Variants in VTN observed in about 807,000 individuals in gnomAD.
VTN encodes vitronectin.
Under a neutral mutation model 55.9 loss-of-function variants are expected in VTN, and 45 were observed. The ratio of observed to expected loss-of-function variants is 0.80; its 90% CI spans 0.63 to 1.03. The LOEUF (loss-of-function observed/expected upper bound fraction) is 1.03, where lower values mean the gene tolerates loss of function less well. Among genes scored for constraint, VTN ranks in the 50% least tolerant of loss-of-function variants. VTN has a pLI of 0.00. For synonymous variants in VTN, 238 were observed against 242.3 expected (o/e 0.98, Z 0.17); for missense variants, 589 against 638.2 (o/e 0.92, Z 0.83).
Position 28,369,811 on chromosome 17 carries a change from G to A in VTN, c.225C>T (p.Tyr75=). Residue 75 remains tyrosine, a synonymous_variant, in exon 3 of 8, where the codon TAC becomes TAT. Transcript: ENST00000226218. This position sits in a 1 kb window ranked among gnomAD's most constrained non-coding sequence, Gnocchi z 5.3. ...GDVFTMPEDE[Y]TVYDDGEEKN... is the part of the protein sequence containing the mutation. ...TCTCCTCGCCATCGTCATAGACCGT[G>A]TACTCATCCTCCGGCATAGTGAACA... 1 of 1,613,820 alleles carries A rather than the reference G, an allele frequency of 6.2e-7. No individual in the cohort carries two copies. The highest frequency in any genetic ancestry group is 8.5e-7 in the Non-Finnish European group (1 of 1,179,804).
chr17:28,369,836 A>ACATCCCCG lies in VTN; in HGVS notation c.192_199dup (p.Val67AlafsTer35). On this transcript the variant is annotated frameshift_variant, in exon 3 of 8. Transcript: ENST00000226218. LOFTEE classifies it high-confidence loss of function. This position sits in a 1 kb window ranked among gnomAD's most constrained non-coding sequence, Gnocchi z 5.3. ...GTACTCATCCTCCGGCATAGTGAAC[A>ACATCCCCG]CATCCCCGCGAGTCACTGCAGAGAG... 1 of 1,612,784 alleles carries ACATCCCCG rather than the reference A, an allele frequency of 6.2e-7. No homozygotes were observed. Among genetic ancestry groups the ACATCCCCG allele is most frequent in the Non-Finnish European group, 8.5e-7 (1 of 1,178,966 alleles).
In VTN at chr17:28,368,645, C is replaced by G; in HGVS notation, c.855G>C (p.Gln285His). 1 of 1,613,878 alleles carries G rather than the reference C, an allele frequency of 6.2e-7. No individual in the cohort carries two copies. The highest frequency in any genetic ancestry group is 8.5e-7 in the Non-Finnish European group (1 of 1,180,022). The change falls in exon 6 of 8, where the codon CAG becomes CAC. Residue 285 changes from glutamine (Q) to histidine (H), a missense_variant. By Grantham distance (24) the Gln-to-His change is conservative. This residue lies in a region of VTN where 334 missense variants were observed against 328.2 expected (regional missense o/e 1.02). Transcript: ENST00000226218. ...CACACTCCTCCTGACTGGGCTGGTGCTGGAACTGGTACTCCCAGTACTGTT... is the reference window on the plus strand; with the variant it reads ...CACACTCCTCCTGACTGGGCTGGTGGTGGAACTGGTACTCCCAGTACTGTT... Reference protein sequence around the residue: ...KGKQYWEYQFQHQPSQEECEG... With the variant: ...KGKQYWEYQFHHQPSQEECEG...
Position 28,367,789 on chromosome 17 carries a change from T to C in VTN, c.1250A>G (p.Tyr417Cys). The change falls in exon 7 of 8, where the codon TAT becomes TGT. Residue 417 changes from tyrosine to cysteine, a missense_variant. Physicochemically the swap from Tyr to Cys is radical, Grantham distance 194. This residue lies in a region of VTN where 334 missense variants were observed against 328.2 expected (regional missense o/e 1.02). Coordinates refer to ENST00000226218, the MANE Select transcript of VTN (RefSeq NM_000638.4). Reference sequence around the variant, plus strand: ...AAGCCAGTCCATCCTGTAGTCATCATAGTTGTTGGCTCCCAAGTTGCTCTC... The same window carrying C: ...AAGCCAGTCCATCCTGTAGTCATCACAGTTGTTGGCTCCCAAGTTGCTCTC... ...SEESNLGANNYDDYRMDWLVP... is the reference protein window; with the variant it reads ...SEESNLGANNCDDYRMDWLVP... 1 of 1,614,172 alleles carries C rather than the reference T, an allele frequency of 6.2e-7. No homozygotes were observed. Among genetic ancestry groups the C allele is most frequent in the East Asian group, 2.2e-5 (1 of 44,882 alleles).
chr17:28,367,973 T>A lies in VTN; in HGVS notation c.1066A>T (p.Ile356Phe). ...GAGGGGCGGGGTGCCATGCCTGAGA[T>A]GTAGATGCGGCCAGCCATGGCTGCG... ...VDAAMAGRIY[I>F]SGMAPRPSLA... The change falls in exon 7 of 8, where the codon ATC (isoleucine) becomes TTC (phenylalanine). Residue 356 changes from isoleucine to phenylalanine, a missense_variant. By Grantham distance (21) the Ile-to-Phe change is conservative (BLOSUM62 0). This residue lies in a region of VTN where 334 missense variants were observed against 328.2 expected (regional missense o/e 1.02). Coordinates refer to ENST00000226218, the MANE Select transcript of VTN (RefSeq NM_000638.4). The A allele has an allele frequency of 6.3e-7, 1 of 1,597,600 alleles. No homozygotes were observed. The highest frequency in any genetic ancestry group is 8.5e-7 in the Non-Finnish European group (1 of 1,172,226).
rs782425893 is a variant in VTN, at chr17:28,368,638, G to A, written c.862C>T (p.Pro288Ser). 6.2e-7 allele frequency: 1 copy of A among 1,613,892 alleles called. No homozygotes were observed. The highest frequency in any genetic ancestry group is 1.1e-5 in the South Asian group (1 of 91,066). ...CTGCCTTCACACTCCTCCTGACTGG[G>A]CTGGTGCTGGAACTGGTACTCCCAG... ...QYWEYQFQHQPSQEECEGSSL... is the reference protein window; with the variant it reads ...QYWEYQFQHQSSQEECEGSSL... The change falls in exon 6 of 8, where the codon CCC becomes TCC. Residue 288 changes from proline to serine, a missense_variant. Pro to Ser is a moderately conservative substitution (Grantham distance 74). Transcript: ENST00000226218.
chr17:28,369,395 A>G lies in VTN; in HGVS notation c.563T>C (p.Val188Ala). Reference sequence around the variant, plus strand: ...GATGAGCTTGGGGTACCCAGGCCTCACTGCCTTTTCGTCCAGTTCATAGCA... The same window carrying G: ...GATGAGCTTGGGGTACCCAGGCCTCGCTGCCTTTTCGTCCAGTTCATAGCA... ...QYCYELDEKA[V>A]RPGYPKLIRD... The change falls in exon 4 of 8, where the codon GTG becomes GCG. Residue 188 changes from valine to alanine, a missense_variant. Transcript: ENST00000226218. This position sits in a 1 kb window ranked among gnomAD's most constrained non-coding sequence, Gnocchi z 5.3. The G allele has an allele frequency of 6.2e-7, 1 of 1,603,290 alleles. No individual in the cohort carries two copies. The highest frequency in any genetic ancestry group is 8.5e-7 in the Non-Finnish European group (1 of 1,172,002).
Position 28,369,795 on chromosome 17 carries a change from C to T in VTN, c.241G>A (p.Gly81Ser). 1 of 1,614,068 alleles carries T rather than the reference C, an allele frequency of 6.2e-7. No homozygotes were observed. Among genetic ancestry groups the T allele is most frequent in the Non-Finnish European group, 8.5e-7 (1 of 1,180,018 alleles). The change falls in exon 3 of 8, where the codon GGC becomes AGC. Residue 81 changes from glycine (G) to serine (S), a missense_variant. Coordinates refer to ENST00000226218, the MANE Select transcript of VTN (RefSeq NM_000638.4). The surrounding 1 kb of genome is among the most constrained non-coding windows in gnomAD (Gnocchi z 5.3). The stretch of plus-strand genomic sequence containing the variant: ...ACAGTGGCATTGTTTTTCTCCTCGC[C>T]ATCGTCATAGACCGTGTACTCATCC... ...PEDEYTVYDD[G>S]EEKNNATVHE...
In VTN at chr17:28,369,250, C is replaced by G; in HGVS notation, c.669+39G>C. ...CTGGGAGCAATAGCTCTCAAACCCT[C>G]CCTAGATGCTTTCTACCCTGGCCCA... On this transcript the variant is annotated intron_variant, in intron 4 of 7. Coordinates refer to ENST00000226218, the MANE Select transcript of VTN (RefSeq NM_000638.4). This position sits in a 1 kb window ranked among gnomAD's most constrained non-coding sequence, Gnocchi z 5.3. 1 of 1,547,964 alleles carries G rather than the reference C, an allele frequency of 6.5e-7. No homozygotes were observed. The highest frequency in any genetic ancestry group is 8.7e-7 in the Non-Finnish European group (1 of 1,144,204).
In VTN at chr17:28,367,426, G is replaced by A. The variant is rs199500726; in HGVS notation, c.1380C>T (p.Pro460=). 1 of 1,613,168 alleles carries A rather than the reference G, an allele frequency of 6.2e-7. No homozygotes were observed. The highest frequency in any genetic ancestry group is 8.5e-7 in the Non-Finnish European group (1 of 1,179,744). Residue 460 remains proline, a synonymous_variant, in exon 8 of 8, where the codon CCC becomes CCT. Coordinates refer to ENST00000226218, the MANE Select transcript of VTN (RefSeq NM_000638.4). ...AGTACTGAGCGATGGAGCGTGGGTA[G>A]GGAGGGTCCACAGTGTCCACTCGCC... ...RTRRVDTVDP[P]YPRSIAQYWL...
rs781948713 is a variant in VTN at position 28,368,044 on chromosome 17, G to A, written c.995C>T (p.Pro332Leu). The change falls in exon 7 of 8, where the codon CCC becomes CTC. Residue 332 changes from proline to leucine, a missense_variant. Around this residue, in one of 3 missense-constraint regions of VTN, gnomAD observed 334 missense variants for 328.2 expected, o/e 1.02. Coordinates refer to ENST00000226218, the MANE Select transcript of VTN (RefSeq NM_000638.4). ...GTGCCAGTCCCGGCTAATGAACTGGGGCTGTCTGGTACCAGCTGTGGCAGG... is the reference window on the plus strand; with the variant it reads ...GTGCCAGTCCCGGCTAATGAACTGGAGCTGTCTGGTACCAGCTGTGGCAGG... Reference protein sequence around the residue: ...WGRTSAGTRQPQFISRDWHGV... With the variant: ...WGRTSAGTRQLQFISRDWHGV... 6.3e-6 allele frequency: 10 copies of A among 1,582,700 alleles called. No homozygotes were observed. The highest frequency in any genetic ancestry group is 8.6e-6 in the Non-Finnish European group (10 of 1,164,052).
At chr17:28,368,714 G>A in intron 5 of VTN, 41 bp from the exon 6 acceptor site, 1 of 1,610,640 alleles carries the variant, frequency 6.2e-7, no homozygotes. Context: ...GCTGGGCCAG[G>A]GCAAGACTGG....
In VTN at chr17:28,368,906, G is replaced by A; in HGVS notation, c.792C>T (p.Ser264=). The change falls in exon 5 of 8, where the codon AGC becomes AGT. Residue 264 remains serine (S), a synonymous_variant. Transcript: ENST00000226218. The part of the protein sequence containing the change: ...VDAALALPAH[S]YSGRERVYFF... ...AGTAGACCCGCTCCCGGCCACTGTA[G>A]CTATGGGCAGGGAGGGCCAAGGCTG... The A allele has an allele frequency of 1.2e-6, 2 of 1,613,192 alleles. No individual in the cohort carries two copies. Among genetic ancestry groups the A allele is most frequent in the Non-Finnish European group, 1.7e-6 (2 of 1,179,734 alleles).
intron 6 of VTN, among the ~76,000 whole-genome samples, 196 bp from the exon 7 acceptor site, chr17:28,368,255 AC>A (rs1260139303): frequency 3.1e-5 from 2 of 64,700 alleles, no homozygotes; most frequent in South Asian, 5.9e-4. Context: ...TCTCGACCCC[AC>A]CCCCCCAGGC....
In VTN at chr17:28,369,028, C is replaced by G; in HGVS notation, c.670G>C (p.Gly224Arg). The G allele has an allele frequency of 6.3e-7, 1 of 1,579,042 alleles. No individual in the cohort carries two copies. The highest frequency in any genetic ancestry group is 8.6e-7 in the Non-Finnish European group (1 of 1,168,284). Residue 224 changes from glycine to arginine, a missense_variant and splice_region_variant, in exon 5 of 8, where the codon GGT (glycine) becomes CGT (arginine). This residue lies in a region of VTN where 38 missense variants were observed against 68.8 expected (regional missense o/e 0.55). Coordinates refer to ENST00000226218, the MANE Select transcript of VTN (RefSeq NM_000638.4). The surrounding 1 kb of genome is among the most constrained non-coding windows in gnomAD (Gnocchi z 5.3). ...NCQGKTYLFK[G>R]SQYWRFEDGV... Reference sequence around the variant, plus strand: ...TCCTCAAAGCGCCAGTACTGACTACCCTAAGAGGTGGGGAAAGTGAAAAGG... The same window carrying G: ...TCCTCAAAGCGCCAGTACTGACTACGCTAAGAGGTGGGGAAAGTGAAAAGG...
Position 28,370,125 on chromosome 17 carries a change from A to C in VTN, c.64+15T>G. On this transcript the variant is annotated intron_variant, in intron 1 of 7. Transcript: ENST00000226218. ...CCCTACATTGACCCAGATGGCCACC[A>C]ACACTCCCCTGTACCTTGGTCAGCC... The C allele has an allele frequency of 6.2e-7, 1 of 1,613,630 alleles. No homozygotes were observed. Among genetic ancestry groups the C allele is most frequent in the Non-Finnish European group, 8.5e-7 (1 of 1,179,668 alleles).
chr17:28,369,000 C>G lies in VTN; in HGVS notation c.698G>C (p.Gly233Ala), dbSNP rs782433409. 2.4e-5 allele frequency: 38 copies of G among 1,596,374 alleles called. No individual in the cohort carries two copies. The highest frequency in any genetic ancestry group is 3.1e-5 in the Non-Finnish European group (37 of 1,175,310). ...KGSQYWRFED[G>A]VLDPDYPRNI... The stretch of plus-strand genomic sequence containing the variant: ...TCGGGGGTAATCAGGGTCCAGGACA[C>G]CATCCTCAAAGCGCCAGTACTGACT... Residue 233 changes from glycine to alanine, a missense_variant, in exon 5 of 8, where the codon GGT (glycine) becomes GCT (alanine). Physicochemically the swap from Gly to Ala is moderately conservative, Grantham distance 60. Coordinates refer to ENST00000226218, the MANE Select transcript of VTN (RefSeq NM_000638.4).
Position 28,367,771 on chromosome 17 carries a change from T to C in VTN, c.1268A>G (p.Asp423Gly). ...TTCACAGGTGGCAGGCACAAGCCAG[T>C]CCATCCTGTAGTCATCATAGTTGTT... Reference protein sequence around the residue: ...GANNYDDYRMDWLVPATCEPI... With the variant: ...GANNYDDYRMGWLVPATCEPI... Residue 423 changes from aspartate (D) to glycine (G), a missense_variant, in exon 7 of 8, where the codon GAC (aspartate) becomes GGC (glycine). Asp to Gly is a moderately conservative substitution (Grantham distance 94). This residue lies in a region of VTN where 334 missense variants were observed against 328.2 expected (regional missense o/e 1.02). Transcript: ENST00000226218. 1 of 1,614,138 alleles carries C rather than the reference T, an allele frequency of 6.2e-7. No homozygotes were observed. The highest frequency in any genetic ancestry group is 1.1e-5 in the South Asian group (1 of 91,090).
rs148089887 is a variant in VTN, at chr17:28,367,820, T to C, written c.1219A>G (p.Ser407Gly). Residue 407 changes from serine (S) to glycine (G), a missense_variant, in exon 7 of 8, where the codon AGT becomes GGT. Physicochemically the swap from Ser to Gly is moderately conservative, Grantham distance 56. This residue lies in a region of VTN where 334 missense variants were observed against 328.2 expected (regional missense o/e 1.02). Coordinates refer to ENST00000226218, the MANE Select transcript of VTN (RefSeq NM_000638.4). Reference sequence around the variant, plus strand: ...TTGGCTCCCAAGTTGCTCTCCTCACTGGAGAACAAGGACAGCCACGTGGCG... The same window carrying C: ...TTGGCTCCCAAGTTGCTCTCCTCACCGGAGAACAAGGACAGCCACGTGGCG... ...SRATWLSLFS[S>G]EESNLGANNY... 5.7e-4 allele frequency: 922 copies of C among 1,614,140 alleles called. No homozygotes were observed. Among genetic ancestry groups the C allele is most frequent in the Non-Finnish European group, 7.2e-4 (851 of 1,180,036 alleles).
At position 28,367,953 on chromosome 17, in the gene VTN, G is replaced by A; in HGVS notation, c.1086C>T (p.Arg362=). ...ACCTTTGTTTCTTGGCCAAGGAGGG[G>A]CGGGGTGCCATGCCTGAGATGTAGA... The part of the protein sequence containing the change: ...GRIYISGMAP[R]PSLAKKQRFR... Residue 362 remains arginine, a synonymous_variant, in exon 7 of 8, where the codon CGC becomes CGT. Transcript: ENST00000226218. 2 of 1,602,192 alleles carry A rather than the reference G, an allele frequency of 1.2e-6. No homozygotes were observed. The highest frequency in any genetic ancestry group is 1.7e-6 in the Non-Finnish European group (2 of 1,174,418).
Sources: allele counts gnomAD v4.1 joint callset (sites outside exome capture counted in the v4.1 genomes callset), GRCh38; gene constraint gnomAD v4.1.1; regional missense constraint gnomAD v4.1.1; non-coding constraint Gnocchi (gnomAD v3.1); transcripts MANE v1.5; gene names NCBI Gene and HGNC (gene_info 2026-07-23, HGNC 2026-07-21).